Variants in WDPCP observed in about 807,000 individuals in gnomAD.
WDPCP encodes the protein WD repeat-containing and planar cell polarity effector protein fritz homolog.
A neutral mutation model predicts 93.1 loss-of-function variants in WDPCP; 71 were observed. The ratio of observed to expected loss-of-function variants is 0.76; its 90% CI spans 0.63 to 0.93. WDPCP has a LOEUF of 0.93. Among genes scored for constraint, WDPCP ranks in the 40% least tolerant of loss-of-function variants. The pLI, the probability that WDPCP is intolerant of heterozygous loss-of-function variation, is 0.00. For missense variants in WDPCP, 844 were observed against 887.4 expected (o/e 0.95, Z 0.62); for synonymous variants, 315 against 315.0 (o/e 1.00, Z 0.00).
chr2:63,292,074 A>C (rs1325538024), intron 13 of WDPCP, among the ~76,000 whole-genome samples: 1 of 144,656 alleles, frequency 6.9e-6, no homozygotes, highest in Admixed American at 7.0e-5. Flanking sequence ...TGGAGCTTGC[A>C]GTGAGCCGAG....
chr2:63,252,484 A>G (rs958606270), intron 14 of WDPCP, among the ~76,000 whole-genome samples: 1 of 152,200 alleles, frequency 6.6e-6, no homozygotes, highest in Admixed American at 6.5e-5. Flanking sequence ...GGAAAAGATT[A>G]TCTCTCTTTG....
intron 2 of WDPCP, among the ~76,000 whole-genome samples, chr2:63,730,555 C>T (rs1043752004): frequency 6.6e-6 from 1 of 152,140 alleles, no homozygotes; most frequent in Admixed American, 6.5e-5. Flanking sequence ...CCTCCTCCTC[C>T]CGCGTTCAAG....
chr2:63,355,720 C>T (rs2104600298), intron 12 of WDPCP, among the ~76,000 whole-genome samples: 1 of 152,094 alleles, frequency 6.6e-6, no homozygotes, highest in East Asian at 1.9e-4. Context: ...CAACCCCCAT[C>T]TCTACTGAAA....
intron 6 of WDPCP, among the ~76,000 whole-genome samples, chr2:63,443,548 A>G (rs912507144): frequency 5.3e-5 from 8 of 152,168 alleles, no homozygotes; most frequent in Admixed American, 2.6e-4. Flanking sequence ...AGGGATATTC[A>G]TAGAGGATGA....
chr2:63,437,850 A>T (rs753822766), intron 7 of WDPCP: 2 of 1,598,074 alleles, frequency 1.3e-6, no homozygotes, highest in Non-Finnish European at 1.7e-6. Context: ...TTTTTAAAAA[A>T]CTATTTCGCA....
At chr2:63,761,640 G>C (rs1204643094) in intron 2 of WDPCP, among the ~76,000 whole-genome samples, 1 of 152,124 alleles carries the variant, frequency 6.6e-6, no homozygotes, top group East Asian at 1.9e-4. Context: ...AAAGATGCAG[G>C]CTGGGAGGTT....
intron 2 of WDPCP, among the ~76,000 whole-genome samples, chr2:63,731,731 G>A (rs1326741258): frequency 6.6e-6 from 1 of 152,190 alleles, no homozygotes; most frequent in South Asian, 2.1e-4. Context: ...GGATAGGGAA[G>A]GTAGCAAATA....
intron 2 of WDPCP, among the ~76,000 whole-genome samples, chr2:63,488,365 A>C (rs1038744425): frequency 2.0e-5 from 3 of 152,142 alleles, no homozygotes; most frequent in Non-Finnish European, 4.4e-5. Context: ...CTTCAAAAAA[A>C]AGTATTACTG....
intron 2 of WDPCP, among the ~76,000 whole-genome samples, chr2:63,718,150 A>G (rs1025926900): frequency 3.9e-5 from 6 of 152,032 alleles, no homozygotes; most frequent in African/African-American, 1.2e-4. Flanking sequence ...TCTTTCTCCA[A>G]TCATCCATTG....
At chr2:63,685,179 T>C (rs1036253515) in intron 2 of WDPCP, among the ~76,000 whole-genome samples, 2 of 152,114 alleles carry the variant, frequency 1.3e-5, no homozygotes, top group African/African-American at 2.4e-5. Flanking sequence ...AGCTGTTTTT[T>C]ACAAAACATA....
At chr2:63,578,414 A>G (rs1708262422) in intron 1 of WDPCP, among the ~76,000 whole-genome samples, 1 of 152,188 alleles carries the variant, frequency 6.6e-6, no homozygotes, top group Non-Finnish European at 1.5e-5. Context: ...TGCCAATTAT[A>G]TCTATAGTAG....
At chr2:63,424,188 C>T (rs1696080268) in intron 9 of WDPCP, among the ~76,000 whole-genome samples, 1 of 139,162 alleles carries the variant, frequency 7.2e-6, no homozygotes. Flanking sequence ...GGTATCTGCC[C>T]AGAGAGTAAG....
At chr2:63,315,347 A>C (rs548233643) in intron 12 of WDPCP, among the ~76,000 whole-genome samples, 1 of 152,340 alleles carries the variant, frequency 6.6e-6, no homozygotes, top group Non-Finnish European at 1.5e-5. Flanking sequence ...AATTCTGATT[A>C]AGCCAGGGGC....
At chr2:63,200,096 T>C (rs909768706) in intron 14 of WDPCP, among the ~76,000 whole-genome samples, 1 of 152,206 alleles carries the variant, frequency 6.6e-6, no homozygotes, top group Non-Finnish European at 1.5e-5. Context: ...GGCTGATTTA[T>C]CCCTTTTGGA....
chr2:63,228,175 C>T (rs1266948809), intron 14 of WDPCP, among the ~76,000 whole-genome samples: 1 of 151,934 alleles, frequency 6.6e-6, no homozygotes, highest in East Asian at 1.9e-4. Flanking sequence ...CATCAGATCA[C>T]TGCCAATTTT....
At chr2:63,833,833 T>A in the WDPCP span, among the ~76,000 whole-genome samples, 1 of 152,214 alleles carries the variant, frequency 6.6e-6, no homozygotes, top group Non-Finnish European at 1.5e-5. Flanking sequence ...ACTATAAGAA[T>A]GAACTATAGT....
chr2:63,669,650 G>A lies in WDPCP; in HGVS notation n.309-18812C>T, dbSNP rs566867639. Among the ~76,000 whole-genome samples the A allele has an allele frequency of 1.0e-3, 158 of 152,212 alleles. 2 individuals carry two copies. Among genetic ancestry groups the A allele is most frequent in the African/African-American group, 3.5e-3 (145 of 41,536 alleles). On this transcript the variant is annotated intron_variant and non_coding_transcript_variant, in intron 2 of 4. Coordinates refer to the WDPCP transcript ENST00000467687. The stretch of plus-strand genomic sequence containing the variant: ...GCTGGGATTACAAGTGTGAGCCACC[G>A]TGCCCAGCCTAATTTTTAATTTAAA...
chr2:63,810,172 G>C (rs904988814), intron 2 of WDPCP, among the ~76,000 whole-genome samples: 1 of 152,118 alleles, frequency 6.6e-6, no homozygotes, highest in Non-Finnish European at 1.5e-5. Flanking sequence ...CTAATTAGAG[G>C]TTCTATATTG....
At chr2:63,783,201 CAGG>C (rs1451665093) in intron 2 of WDPCP, among the ~76,000 whole-genome samples, 1 of 151,320 alleles carries the variant, frequency 6.6e-6, no homozygotes, top group Non-Finnish European at 1.5e-5. Flanking sequence ...CACGTGAGGC[CAGG>C]AGTTCAGGAC....
Sources: allele counts gnomAD v4.1 joint callset (sites outside exome capture counted in the v4.1 genomes callset), GRCh38; gene constraint gnomAD v4.1.1; transcripts MANE v1.5; gene names NCBI Gene and HGNC (gene_info 2026-07-23, HGNC 2026-07-21).